Variants in CPSF1 observed in about 807,000 individuals in gnomAD.
The protein encoded by CPSF1 is cleavage and polyadenylation specificity factor subunit 1.
A neutral mutation model predicts 175.8 loss-of-function variants in CPSF1; 106 were observed. The ratio of observed to expected loss-of-function variants is 0.60; its 90% CI spans 0.52 to 0.71. The LOEUF (loss-of-function observed/expected upper bound fraction) is 0.71. Among genes scored for constraint, CPSF1 ranks in the 30% least tolerant of loss-of-function variants. The pLI is 0.00. For missense variants in CPSF1, 1,734 were observed against 2,022.9 expected (o/e 0.86, Z 2.74); for synonymous variants, 1,024 against 858.3 (o/e 1.19, Z -3.37).
intron 26 of CPSF1, 194 bp from the exon 27 acceptor site, chr8:144,395,745 C>T (rs1460897945): frequency 3.3e-6 from 2 of 605,116 alleles, no homozygotes; most frequent in East Asian, 5.5e-5. Context: ...GTCCATTTTC[C>T]CACGCTCAGC....
intron 31 of CPSF1, 44 bp downstream of exon 31, chr8:144,394,600 G>A (rs1820588429): frequency 4.4e-6 from 7 of 1,602,522 alleles, no homozygotes; most frequent in South Asian, 1.1e-5. Context: ...GGGGAGCCGG[G>A]TGAGGGTGAG....
At position 144,399,112 on chromosome 8, in the gene CPSF1, C is replaced by T; in HGVS notation, c.1467+16G>A. On this transcript the variant is annotated intron_variant, in intron 15 of 37. Coordinates refer to ENST00000616140, the MANE Select transcript of CPSF1 (RefSeq NM_013291.3). This position sits in a 1 kb window ranked among gnomAD's most constrained non-coding sequence, Gnocchi z 6.4. ...CTCCAGCCCCTGCCCCCAGCCCCGA[C>T]CCCAACCCTGGGCACCTCTTCAGAG... 1 of 1,553,554 alleles carries T rather than the reference C, an allele frequency of 6.4e-7. No homozygotes were observed. The highest frequency in any genetic ancestry group is 2.4e-5 in the East Asian group (1 of 41,394).
chr8:144,394,102 G>A lies in CPSF1; in HGVS notation c.3859+11C>T, dbSNP rs377739366. On this transcript the variant is annotated intron_variant, in intron 34 of 37. Transcript: ENST00000616140. ...CCCGGCCCAGGCAGAGGGGGTGGAG[G>A]AAGCACTCACCTTCGGGCAGGTACA... is the stretch of plus-strand genomic sequence containing the variant. The A allele has an allele frequency of 5.6e-4, 902 of 1,612,310 alleles. 3 individuals are homozygous for A. Among genetic ancestry groups the A allele is most frequent in the East Asian group, 2.0e-3 (89 of 44,852 alleles).
At chr8:144,402,260 AT>A (rs1349139892) in intron 2 of CPSF1, among the ~76,000 whole-genome samples, 1 of 152,060 alleles carries the variant, frequency 6.6e-6, no homozygotes, top group Non-Finnish European at 1.5e-5. Context: ...TTTATATGCC[AT>A]TGCCTCAAGG....
At chr8:144,400,575 CACCCCATAGGCCCCGCCCTAA>C (rs1821140231) in intron 7 of CPSF1, 75 bp downstream of exon 7, 2 of 1,606,140 alleles carry the variant, frequency 1.2e-6, no homozygotes, top group African/African-American at 1.3e-5. Flanking sequence ...AGCCCCACCA[CACCCCATAGGCCCCGCCCTAA>C]ACCCCATGGG....
chr8:144,393,833 G>A (rs782513443), intron 35 of CPSF1, 37 bp from the exon 36 acceptor site: 2 of 1,601,226 alleles, frequency 1.2e-6, no homozygotes, highest in South Asian at 2.2e-5. Flanking sequence ...GTGTGAGCCA[G>A]GCCAACCCTA....
rs1554865699 is a variant in CPSF1 at position 144,399,716 on chromosome 8, G to A, written c.1120-6C>T. On this transcript the variant is annotated splice_polypyrimidine_tract_variant and splice_region_variant and intron_variant, in intron 11 of 37. Transcript: ENST00000616140. This position sits in a 1 kb window ranked among gnomAD's most constrained non-coding sequence, Gnocchi z 6.4. ...CCGGGCTCCATGGTGACCATCTGAG[G>A]GAGGGCAGGTGTGTGATGGCTGGGC... The A allele has an allele frequency of 1.9e-6, 3 of 1,607,774 alleles. No individual in the cohort carries two copies. The highest frequency in any genetic ancestry group is 3.4e-5 in the Admixed American group (2 of 59,312).
intron 2 of CPSF1, among the ~76,000 whole-genome samples, chr8:144,402,238 C>G (rs1056818558): frequency 6.6e-6 from 1 of 152,216 alleles, no homozygotes; most frequent in Non-Finnish European, 1.5e-5. Flanking sequence ...GCTAGTTTAA[C>G]TAGCTAGCAG....
intron 27 of CPSF1, 23 bp downstream of exon 27, chr8:144,395,407 CCCTGG>C: frequency 6.2e-7 from 1 of 1,609,044 alleles, no homozygotes; most frequent in South Asian, 1.1e-5. Flanking sequence ...CCCAGAAGGT[CCCTGG>C]TGGGGTGGGG....
chr8:144,398,790 G>C lies in CPSF1; in HGVS notation c.1627C>G (p.Arg543Gly), dbSNP rs2116854972. Reference protein sequence around the residue: ...YDMWTVIAPVRKEEEDNPKGE... With the variant: ...YDMWTVIAPVGKEEEDNPKGE... Reference sequence around the variant, plus strand: ...AGGCTCGCACCTACCTCCTCCTTACGCACCGGGGCGATGACTGTCCACATG... The same window carrying C: ...AGGCTCGCACCTACCTCCTCCTTACCCACCGGGGCGATGACTGTCCACATG... Residue 543 changes from arginine (R) to glycine (G), a missense_variant, in exon 17 of 38, where the codon CGT becomes GGT. This residue lies in a region of CPSF1 where 280 missense variants were observed against 349.2 expected (regional missense o/e 0.80). Coordinates refer to ENST00000616140, the MANE Select transcript of CPSF1 (RefSeq NM_013291.3). 5 of 1,598,906 alleles carry C rather than the reference G, an allele frequency of 3.1e-6. No individual in the cohort carries two copies. In the Admixed American group the frequency reaches 8.4e-5, roughly 27 times the overall value.
Position 144,397,276 on chromosome 8 carries a change from C to T in CPSF1, c.2523G>A (p.Gly841=), listed in dbSNP as rs1554864256. ...GCACCTCCTTGACGAGGGGCAGCTC[C>T]CCCTGGCGCGTGGCCTCCTCCCTGC... The part of the protein sequence containing the change: ...EARREEATRQ[G]ELPLVKEVLL... Residue 841 remains glycine, a synonymous_variant, in exon 23 of 38, where the codon GGG becomes GGA. Transcript: ENST00000616140. 1.3e-6 allele frequency: 2 copies of T among 1,549,500 alleles called. No homozygotes were observed. Among genetic ancestry groups the T allele is most frequent in the East Asian group, 2.4e-5 (1 of 41,014 alleles).
chr8:144,404,656 C>T (rs2116899309), intron 2 of CPSF1, among the ~76,000 whole-genome samples: 2 of 151,742 alleles, frequency 1.3e-5, no homozygotes, highest in South Asian at 4.2e-4. Flanking sequence ...AGGCGTGAGC[C>T]ACTGCGCCCG....
Position 144,399,122 on chromosome 8 carries a change from G to A in CPSF1, c.1467+6C>T. On this transcript the variant is annotated splice_donor_region_variant and intron_variant, in intron 15 of 37. Transcript: ENST00000616140. This position sits in a 1 kb window ranked among gnomAD's most constrained non-coding sequence, Gnocchi z 6.4. ...TGCCCCCAGCCCCGACCCCAACCCT[G>A]GGCACCTCTTCAGAGAGGAAGGCAG... 1.3e-6 allele frequency: 2 copies of A among 1,561,126 alleles called. No individual in the cohort carries two copies. Among genetic ancestry groups the A allele is most frequent in the South Asian group, 1.2e-5 (1 of 85,118 alleles).
intron 2 of CPSF1, among the ~76,000 whole-genome samples, chr8:144,406,843 T>A (rs1042901690): frequency 3.0e-4 from 46 of 152,188 alleles, no homozygotes; most frequent in African/African-American, 9.9e-4. Context: ...TGCTGGGAGG[T>A]GTTGCACCCT....
Position 144,397,788 on chromosome 8 carries a change from C to G in CPSF1, c.2165G>C (p.Gly722Ala), listed in dbSNP as rs782645180. ...CTCGGCCTCCGGGCCACTGCGGCCC[C>G]CGAGCTCGTCACGGGCCCCACCCAG... ...SRLGGARDEL[G>A]GRSGPEAEGL... Residue 722 changes from glycine (G) to alanine (A), a missense_variant, in exon 21 of 38, where the codon GGG becomes GCG. Physicochemically the swap from Gly to Ala is moderately conservative, Grantham distance 60. This residue lies in a region of CPSF1 where 585 missense variants were observed against 584.7 expected (regional missense o/e 1.00). Transcript: ENST00000616140. 5.0e-6 allele frequency: 8 copies of G among 1,610,590 alleles called. No individual in the cohort carries two copies. Among genetic ancestry groups the G allele is most frequent in the African/African-American group, 1.3e-5 (1 of 75,006 alleles).
In CPSF1 at chr8:144,396,742, C is replaced by G; in HGVS notation, c.2683-1G>C. On this transcript the variant is annotated splice_acceptor_variant, in intron 24 of 37. Coordinates refer to ENST00000616140, the MANE Select transcript of CPSF1 (RefSeq NM_013291.3). LOFTEE classifies it high-confidence loss of function. ...CACGGAAGTTGATGTTGTGAGGGACCTGGGGGGGAACCATGCAGGTCCTCC... is the reference window on the plus strand; with the variant it reads ...CACGGAAGTTGATGTTGTGAGGGACGTGGGGGGGAACCATGCAGGTCCTCC... 1 of 1,613,894 alleles carries G rather than the reference C, an allele frequency of 6.2e-7. No individual in the cohort carries two copies. Among genetic ancestry groups the G allele is most frequent in the Non-Finnish European group, 8.5e-7 (1 of 1,179,954 alleles).
Position 144,393,382 on chromosome 8 carries a change from GGTGGGT to G in CPSF1, c.4285-23_4285-18del. On this transcript the variant is annotated intron_variant, in intron 37 of 37. Transcript: ENST00000616140. The stretch of plus-strand genomic sequence containing the variant: ...GTCCAGGATCTGCAGGGGATGGAAG[GGTGGGT>G]GGGTGGGTGGGTGGGGATGCACACG... The G allele has an allele frequency of 9.1e-7, 1 of 1,100,242 alleles. No individual in the cohort carries two copies. The highest frequency in any genetic ancestry group is 1.3e-6 in the Non-Finnish European group (1 of 780,268). The allele number at this position is 1,100,242 out of a possible 1,614,324, so 68.2% of individuals were successfully genotyped here.
chr8:144,396,226 C>T, intron 26 of CPSF1, 122 bp downstream of exon 26: 1 of 1,064,630 alleles, frequency 9.4e-7, no homozygotes, highest in Non-Finnish European at 1.4e-6. Flanking sequence ...ACCCCATCGC[C>T]CTCTGGACAC....
At position 144,401,704 on chromosome 8, in the gene CPSF1, G is replaced by A. The variant is rs1395715841; in HGVS notation, c.145-31C>T. 2.5e-6 allele frequency: 4 copies of A among 1,590,262 alleles called. No homozygotes were observed. In the African/African-American group the frequency reaches 4.0e-5, roughly 16 times the overall value. On this transcript the variant is annotated intron_variant, in intron 2 of 37. Transcript: ENST00000616140. ...GGGGAGAGAAAGACAGGGCAGTGAG[G>A]GGCCACATCTGGCAGCTCACCTCAT...
Sources: allele counts gnomAD v4.1 joint callset (sites outside exome capture counted in the v4.1 genomes callset), GRCh38; gene constraint gnomAD v4.1.1; regional missense constraint gnomAD v4.1.1; non-coding constraint Gnocchi (gnomAD v3.1); transcripts MANE v1.5; gene names NCBI Gene and HGNC (gene_info 2026-07-23, HGNC 2026-07-21).